The following ROBO1 variants were observed in gnomAD, a reference collection of about 807,000 sequenced individuals.
The protein encoded by ROBO1 is roundabout homolog 1.
A neutral mutation model predicts 195.9 loss-of-function variants in ROBO1; 149 were observed. That is an observed-to-expected ratio of 0.76 (90% confidence interval 0.67 to 0.87). The LOEUF (loss-of-function observed/expected upper bound fraction) is 0.87. ROBO1 is among the 40% of genes least tolerant of loss of function. The probability of loss-of-function intolerance (pLI) is 0.00; values close to 1 mark genes in which losing one functional copy is unlikely to be tolerated. For synonymous variants in ROBO1, 816 were observed against 733.2 expected (o/e 1.11, Z -1.82); for missense variants, 1,933 against 2,068.3 (o/e 0.93, Z 1.27).
chr3:79,163,790 T>C (rs2081015388), intron 2 of ROBO1, among the ~76,000 whole-genome samples: 1 of 152,144 alleles, frequency 6.6e-6, no homozygotes, highest in Non-Finnish European at 1.5e-5. Context: ...AAAAGGATCC[T>C]ATTTAGAAAA....
At chr3:79,507,782 G>T (rs1186814813) in intron 2 of ROBO1, 1 of 154,510 alleles carries the variant, frequency 6.5e-6, no homozygotes, top group Non-Finnish European at 1.5e-5. Context: ...GGGCTGAATG[G>T]TCCCTTCAAA....
At chr3:79,556,637 A>G (rs1399226730) in intron 2 of ROBO1, among the ~76,000 whole-genome samples, 1 of 151,970 alleles carries the variant, frequency 6.6e-6, no homozygotes, top group South Asian at 2.1e-4. Flanking sequence ...TATGTATTAT[A>G]TTGTATATAT....
chr3:78,661,135 G>A lies in ROBO1; in HGVS notation c.2215C>T (p.Pro739Ser), dbSNP rs1330717347. ...RTPAKNSVVI[P>S]DLRKGVNYEI... ...TAGTTGACTCCCTTTCTGAGATCAGGGATTACCACACTGTTTTTGGCTGGC... is the reference window on the plus strand; with the variant it reads ...TAGTTGACTCCCTTTCTGAGATCAGAGATTACCACACTGTTTTTGGCTGGC... Residue 739 changes from proline to serine, a missense_variant, in exon 16 of 31, where the codon CCT becomes TCT. Pro to Ser is a moderately conservative substitution (Grantham distance 74). Transcript: ENST00000464233. 18 of 1,613,016 alleles carry A rather than the reference G, an allele frequency of 1.1e-5. No homozygotes were observed. The highest frequency in any genetic ancestry group is 1.5e-5 in the Non-Finnish European group (18 of 1,179,562).
chr3:78,929,355 C>T (rs941008325), intron 4 of ROBO1, among the ~76,000 whole-genome samples: 1 of 152,074 alleles, frequency 6.6e-6, no homozygotes, highest in Non-Finnish European at 1.5e-5. Flanking sequence ...TGTATTTTAT[C>T]CCCTACCAGA....
chr3:79,661,692 A>G (rs1946332951), intron 1 of ROBO1, among the ~76,000 whole-genome samples: 1 of 151,970 alleles, frequency 6.6e-6, no homozygotes, highest in Admixed American at 6.6e-5. Flanking sequence ...GAGATTTTAC[A>G]GTGTAGTAAA....
chr3:78,664,461 C>T (rs918970439), intron 14 of ROBO1, among the ~76,000 whole-genome samples: 1 of 152,132 alleles, frequency 6.6e-6, no homozygotes, highest in Non-Finnish European at 1.5e-5. Context: ...TAACAACAGC[C>T]GCACCTCTGC....
chr3:79,458,899 AT>A (rs2039707834), intron 2 of ROBO1, among the ~76,000 whole-genome samples: 1 of 152,150 alleles, frequency 6.6e-6, no homozygotes, highest in Non-Finnish European at 1.5e-5. Flanking sequence ...GGAAAAAAAA[AT>A]CAAATTGAAA....
Position 79,214,811 on chromosome 3 carries a change from A to AATATAT in ROBO1, c.89-89278_89-89273dup, listed in dbSNP as rs770388395. The stretch of plus-strand genomic sequence containing the variant: ...ATATACACCATACCACAAAACTGCA[A>AATATAT]ATATATATATATATATTTTTTTTTT... On this transcript the variant is annotated intron_variant, in intron 2 of 30. Transcript: ENST00000464233. Among the ~76,000 whole-genome samples, 457 of 143,394 alleles carry AATATAT rather than the reference A, an allele frequency of 3.2e-3. 1 individual carries two copies. Among genetic ancestry groups the AATATAT allele is most frequent in the Admixed American group, 6.2e-3 (89 of 14,328 alleles). The allele number at this position is 143,394 out of a possible 152,430, so 94.1% of individuals were successfully genotyped here. A position where few individuals can be genotyped will look rare whatever the true frequency, so the allele number is the denominator to read the frequency against.
chr3:78,855,737 A>G (rs1179081116), intron 4 of ROBO1, among the ~76,000 whole-genome samples: 1 of 152,174 alleles, frequency 6.6e-6, no homozygotes, highest in South Asian at 2.1e-4. Context: ...CAAGAATAAC[A>G]AGGAAGAAAC....
intron 2 of ROBO1, among the ~76,000 whole-genome samples, chr3:79,532,478 A>C (rs560374370): frequency 2.7e-4 from 41 of 152,330 alleles, no homozygotes; most frequent in African/African-American, 9.1e-4. Flanking sequence ...TAGAAAAATA[A>C]GTCAAAAATG....
At chr3:78,643,413 C>T (rs1026041521) in intron 21 of ROBO1, among the ~76,000 whole-genome samples, 24 of 152,214 alleles carry the variant, frequency 1.6e-4, no homozygotes, top group Admixed American at 1.0e-3. Flanking sequence ...TGAGGTAATT[C>T]CACATTAGAG....
chr3:79,527,618 A>T (rs964905400), intron 2 of ROBO1, among the ~76,000 whole-genome samples: 8 of 152,178 alleles, frequency 5.3e-5, no homozygotes, highest in African/African-American at 1.9e-4. Context: ...AGCAAAAAAA[A>T]AAATCAGGTT....
chr3:79,279,375 A>G (rs1206432470), intron 2 of ROBO1, among the ~76,000 whole-genome samples: 1 of 152,242 alleles, frequency 6.6e-6, no homozygotes, highest in Non-Finnish European at 1.5e-5. Flanking sequence ...TGGCCAACCA[A>G]TGATTAATTA....
chr3:79,575,825 A>C (rs1271740119), intron 2 of ROBO1, among the ~76,000 whole-genome samples: 1 of 151,694 alleles, frequency 6.6e-6, no homozygotes, highest in African/African-American at 2.4e-5. Flanking sequence ...TTGTAGTCTA[A>C]AAATATATCA....
chr3:79,334,311 A>AAAATATAT (rs1553721943), intron 2 of ROBO1, among the ~76,000 whole-genome samples: 1 of 131,754 alleles, frequency 7.6e-6, no homozygotes, highest in Non-Finnish European at 1.6e-5. Flanking sequence ...AAAAAAAAAA[A>AAAATATAT]ATATATATAT....
At chr3:79,068,512 C>T (rs1262129120) in intron 3 of ROBO1, among the ~76,000 whole-genome samples, 1 of 151,826 alleles carries the variant, frequency 6.6e-6, no homozygotes, top group Admixed American at 6.6e-5. Context: ...TTTACTTTCT[C>T]TCTTCCTACA....
intron 2 of ROBO1, among the ~76,000 whole-genome samples, chr3:79,301,864 C>A (rs1181445659): frequency 6.6e-6 from 1 of 152,118 alleles, no homozygotes; most frequent in East Asian, 1.9e-4. Context: ...TAAAATATTT[C>A]TGACCTCATA....
intron 2 of ROBO1, among the ~76,000 whole-genome samples, chr3:79,273,979 A>G (rs2030799827): frequency 6.6e-6 from 1 of 152,046 alleles, no homozygotes; most frequent in Non-Finnish European, 1.5e-5. Flanking sequence ...TTTTAAATAT[A>G]TATGTACCCA....
chr3:78,783,589 A>G (rs1410882737), intron 4 of ROBO1, among the ~76,000 whole-genome samples: 1 of 152,198 alleles, frequency 6.6e-6, no homozygotes, highest in Non-Finnish European at 1.5e-5. Context: ...CATAGGTTCT[A>G]TGGCATTTTG....
Sources: allele counts gnomAD v4.1 joint callset (sites outside exome capture counted in the v4.1 genomes callset), GRCh38; gene constraint gnomAD v4.1.1; transcripts MANE v1.5; gene names NCBI Gene and HGNC (gene_info 2026-07-23, HGNC 2026-07-21).